LRRC49: variants seen among roughly 807,000 people sequenced by gnomAD.
LRRC49 encodes leucine rich repeat containing 49.
LRRC49 carries 50 observed loss-of-function variants against 83.3 expected under a neutral mutation model. The ratio of observed to expected loss-of-function variants is 0.60; its 90% CI spans 0.48 to 0.76. The LOEUF (loss-of-function observed/expected upper bound fraction) is 0.76, where lower values mean the gene tolerates loss of function less well. Ranked by LOEUF, LRRC49 falls within the 30% of genes least tolerant of loss-of-function variation. The probability of loss-of-function intolerance (pLI) is 0.00; values close to 1 mark genes in which losing one functional copy is unlikely to be tolerated. For missense variants in LRRC49, 704 were observed against 809.1 expected (o/e 0.87, Z 1.58); for synonymous variants, 286 against 283.3 (o/e 1.01, Z -0.10).
At chr15:70,890,486 C>G (rs1243269004), upstream of LRRC49, among the ~76,000 whole-genome samples, 1 of 152,154 alleles carries the variant, frequency 6.6e-6, no homozygotes, top group East Asian at 1.9e-4. Flanking sequence ...GTTTTAGGCA[C>G]TGCAATACAA....
rs1011558909 is a variant in LRRC49, at chr15:71,012,970, T to G, written c.1703+57T>G. 18 of 1,072,748 alleles carry G rather than the reference T, an allele frequency of 1.7e-5. No homozygotes were observed. The African/African-American group carries it at 2.5e-4, about 15-fold the overall frequency. The allele number at this position is 1,072,748 out of a possible 1,614,324, so 66.5% of individuals were successfully genotyped here. A position where few individuals can be genotyped will look rare whatever the true frequency, so the allele number is the denominator to read the frequency against. On this transcript the variant is annotated intron_variant, in intron 14 of 15. Coordinates refer to ENST00000260382, the MANE Select transcript of LRRC49 (RefSeq NM_017691.5). ...ATTACTGTTACACTAGAAAAAGAAA[T>G]AAATTCCACATACCTCCTAACTATG...
intron 8 of LRRC49, among the ~76,000 whole-genome samples, chr15:70,946,048 A>C (rs1335435717): frequency 6.6e-6 from 1 of 152,216 alleles, no homozygotes; most frequent in Non-Finnish European, 1.5e-5. Flanking sequence ...AAACCAATTA[A>C]CATATATGTT....
chr15:71,011,656 G>C lies in LRRC49; in HGVS notation c.1594-1148G>C, dbSNP rs116665288. Among the ~76,000 whole-genome samples the C allele has an allele frequency of 1.7e-3, 261 of 152,194 alleles. 2 individuals carry two copies. Among genetic ancestry groups the C allele is most frequent in the African/African-American group, 6.2e-3 (257 of 41,548 alleles). On this transcript the variant is annotated intron_variant, in intron 13 of 15. Coordinates refer to ENST00000260382, the MANE Select transcript of LRRC49 (RefSeq NM_017691.5). ...GAGGTAGAATTAAATTGAATTAATA[G>C]CATCAAGAAAACATGGAGTAGTGGC...
intron 1 of LRRC49, among the ~76,000 whole-genome samples, chr15:70,867,067 GT>G (rs66533358): frequency 0.54 from 81,547 of 149,782 alleles, 22,891 homozygotes; most frequent in Admixed American, 0.69. Context: ...TGATGGCCAA[GT>G]TGCCCAAGGC....
At chr15:71,038,754 C>T (rs558719306) in intron 15 of LRRC49, among the ~76,000 whole-genome samples, 10 of 152,258 alleles carry the variant, frequency 6.6e-5, no homozygotes, top group African/African-American at 2.4e-4. Flanking sequence ...CCTAGTACCA[C>T]CTTACATAGT....
chr15:70,950,588 T>A (rs1016826038), intron 8 of LRRC49, among the ~76,000 whole-genome samples: 1 of 152,232 alleles, frequency 6.6e-6, no homozygotes, highest in African/African-American at 2.4e-5. Flanking sequence ...TTCATGTTCT[T>A]TGACCATTTT....
At chr15:70,963,376 G>T (rs2036677983) in intron 8 of LRRC49, among the ~76,000 whole-genome samples, 2 of 151,012 alleles carry the variant, frequency 1.3e-5, no homozygotes, top group African/African-American at 4.9e-5. Context: ...CAAAATAACT[G>T]ATGAGTATTC....
intron 7 of LRRC49, among the ~76,000 whole-genome samples, chr15:70,924,895 G>T (rs1362487892): frequency 6.6e-6 from 1 of 151,904 alleles, no homozygotes; most frequent in Non-Finnish European, 1.5e-5. Flanking sequence ...TTGAGCTTCT[G>T]TTATTGTCAT....
intron 6 of LRRC49, among the ~76,000 whole-genome samples, chr15:70,912,161 T>C (rs2034575137): frequency 6.6e-6 from 1 of 152,206 alleles, no homozygotes; most frequent in Non-Finnish European, 1.5e-5. Flanking sequence ...TATAGTTTTA[T>C]TTATAGTTGT....
chr15:71,039,730 G>A (rs1393091819), intron 15 of LRRC49, among the ~76,000 whole-genome samples: 2 of 152,164 alleles, frequency 1.3e-5, no homozygotes, highest in Non-Finnish European at 2.9e-5. Flanking sequence ...CGGATATGGA[G>A]GGCCAACTGT....
At chr15:70,853,489 AG>A (rs2032542934) in intron 1 of LRRC49, 1 of 159,060 alleles carries the variant, frequency 6.3e-6, no homozygotes, top group Admixed American at 6.5e-5. Flanking sequence ...ACCACTCGCA[AG>A]GGGAGGGGAA....
chr15:70,945,433 A>G (rs2035971950), intron 8 of LRRC49, among the ~76,000 whole-genome samples: 2 of 151,942 alleles, frequency 1.3e-5, no homozygotes, highest in African/African-American at 2.4e-5. Flanking sequence ...ATGATTGTAT[A>G]TCATCTCTGC....
At chr15:70,943,756 T>C (rs2035906349) in intron 8 of LRRC49, among the ~76,000 whole-genome samples, 1 of 152,228 alleles carries the variant, frequency 6.6e-6, no homozygotes, top group Admixed American at 6.5e-5. Flanking sequence ...CCACTAATTA[T>C]CAGTAGATCT....
In LRRC49 at chr15:70,973,114, C is replaced by T. The variant is rs551517744; in HGVS notation, c.922-6987C>T. ...TTTTGTGCTGGTTTTTCCTCATCTT[C>T]GTGGATTTATCCACCTTTGGTCTTT... On this transcript the variant is annotated intron_variant, in intron 9 of 15. Coordinates refer to ENST00000260382, the MANE Select transcript of LRRC49 (RefSeq NM_017691.5). Among the ~76,000 whole-genome samples the T allele has an allele frequency of 7.2e-5, 11 of 152,232 alleles. No homozygotes were observed. The East Asian group carries it at 1.9e-3, about 27-fold the overall frequency.
Position 71,052,993 on chromosome 15 carries a change from A to G in LRRC49, c.*3381A>G, listed in dbSNP as rs1223726400. The G allele has an allele frequency of 6.6e-6, 1 of 152,248 alleles. No individual in the cohort carries two copies. Among genetic ancestry groups the G allele is most frequent in the Non-Finnish European group, 1.5e-5 (1 of 68,048 alleles). 9.4% of individuals were successfully genotyped at this position (152,248 alleles called of 1,614,324 possible). On this transcript the variant is annotated 3_prime_UTR_variant, in exon 16 of 16. Coordinates refer to ENST00000260382, the MANE Select transcript of LRRC49 (RefSeq NM_017691.5). The stretch of plus-strand genomic sequence containing the variant: ...ATTATGTGCGGTATAAATACTAACA[A>G]ATGTATAAGTACACATGTACAATAT...
chr15:71,012,084 T>G (rs1469912039), intron 13 of LRRC49, among the ~76,000 whole-genome samples: 1 of 152,014 alleles, frequency 6.6e-6, no homozygotes, highest in Admixed American at 6.6e-5. Flanking sequence ...AGTTGTTCTG[T>G]AGGGGGCAAA....
chr15:70,983,334 C>A (rs1487056292), intron 10 of LRRC49, among the ~76,000 whole-genome samples: 1 of 152,022 alleles, frequency 6.6e-6, no homozygotes, highest in Non-Finnish European at 1.5e-5. Context: ...CATGAACTAG[C>A]AATATTAGAA....
intron 1 of LRRC49, chr15:70,854,113 G>A (rs1424629272): frequency 7.3e-6 from 9 of 1,239,718 alleles, no homozygotes; most frequent in Admixed American, 4.2e-5. Context: ...CGGCGCCGCC[G>A]GGGTCCTCAC....
Position 71,037,270 on chromosome 15 carries a change from G to C in LRRC49, c.1795G>C (p.Glu599Gln), listed in dbSNP as rs1009686931. The C allele has an allele frequency of 6.2e-7, 1 of 1,610,014 alleles. No individual in the cohort carries two copies. Among genetic ancestry groups the C allele is most frequent in the East Asian group, 2.2e-5 (1 of 44,780 alleles). Residue 599 changes from glutamate to glutamine, a missense_variant, in exon 15 of 16, where the codon GAA (glutamate) becomes CAA (glutamine). Around this residue, in one of 3 missense-constraint regions of LRRC49, gnomAD observed 275 missense variants for 338.0 expected, o/e 0.81. Transcript: ENST00000260382. ...ENNDSKRLVG[E>Q]NTNRATLNYT... ...TAATGACAGCAAAAGACTTGTAGGAGAAAACACAAATCGTGCTACATTAAA... is the reference window on the plus strand; with the variant it reads ...TAATGACAGCAAAAGACTTGTAGGACAAAACACAAATCGTGCTACATTAAA...
Sources: gnomAD v4.1 joint callset for allele counts (sites outside exome capture counted in the v4.1 genomes callset) on GRCh38, gnomAD v4.1.1 for gene constraint, gnomAD v4.1.1 regional missense constraint, MANE v1.5 for transcripts, NCBI Gene and HGNC (gene_info 2026-07-23, HGNC 2026-07-21) for gene names.